NEK1: variants seen among roughly 807,000 people sequenced by gnomAD.
The protein encoded by NEK1 is serine/threonine-protein kinase Nek1.
In NEK1, 137 loss-of-function variants were observed where a neutral mutation model predicts 182.1. The observed-to-expected ratio is 0.75, with a 90% CI of 0.65 to 0.87. NEK1 has a LOEUF of 0.87. Among genes scored for constraint, NEK1 ranks in the 40% least tolerant of loss-of-function variants. The pLI is 0.00. For missense variants in NEK1, 1,391 were observed against 1,494.4 expected, an observed-to-expected ratio of 0.93 and a Z score of 1.14; for synonymous variants, 513 against 492.2, an observed-to-expected ratio of 1.04 and a Z score of -0.56.
intron 23 of NEK1, among the ~76,000 whole-genome samples, chr4:169,481,389 C>A (rs1747972716): frequency 1.3e-5 from 2 of 152,156 alleles, no homozygotes; most frequent in Admixed American, 6.5e-5. Flanking sequence ...ATTAGAGGAA[C>A]CATTATCTAT....
At chr4:169,417,196 A>G (rs1407027431) in intron 31 of NEK1, among the ~76,000 whole-genome samples, 1 of 152,214 alleles carries the variant, frequency 6.6e-6, no homozygotes, top group Non-Finnish European at 1.5e-5. Flanking sequence ...GGTAACAGCA[A>G]GTGCAAACTC....
chr4:169,527,930 C>T (rs555424472), intron 19 of NEK1, among the ~76,000 whole-genome samples: 1 of 151,870 alleles, frequency 6.6e-6, no homozygotes, highest in African/African-American at 2.4e-5. Context: ...TATAAATTCA[C>T]TATAAAAAAC....
intron 29 of NEK1, among the ~76,000 whole-genome samples, chr4:169,429,959 A>G (rs1413580825): frequency 2.0e-5 from 3 of 152,060 alleles, no homozygotes; most frequent in African/African-American, 7.2e-5. Flanking sequence ...TTGTTGAATG[A>G]TTTCAGAAAT....
chr4:169,595,272 T>G (rs1355758477), intron 5 of NEK1, among the ~76,000 whole-genome samples: 1 of 152,168 alleles, frequency 6.6e-6, no homozygotes, highest in Non-Finnish European at 1.5e-5. Context: ...TAAAATTTAA[T>G]TGTGGTTGTT....
chr4:169,477,714 T>C (rs1464449411), intron 24 of NEK1, among the ~76,000 whole-genome samples: 2 of 151,964 alleles, frequency 1.3e-5, no homozygotes, highest in African/African-American at 4.8e-5. Flanking sequence ...AATTCTCAAT[T>C]ATTTGTCATA....
chr4:169,545,549 C>T (rs1483092925), intron 18 of NEK1, among the ~76,000 whole-genome samples: 1 of 149,140 alleles, frequency 6.7e-6, no homozygotes, highest in Non-Finnish European at 1.5e-5. Flanking sequence ...GATTTATAGT[C>T]CTTTGGGTAT....
intron 27 of NEK1, among the ~76,000 whole-genome samples, chr4:169,459,852 A>C (rs1375026697): frequency 6.6e-6 from 1 of 152,182 alleles, no homozygotes; most frequent in Non-Finnish European, 1.5e-5. Flanking sequence ...ATAGTAAAAT[A>C]ATCAGTGGTT....
chr4:169,416,386 A>G (rs1029901507), intron 31 of NEK1, among the ~76,000 whole-genome samples: 4 of 152,214 alleles, frequency 2.6e-5, no homozygotes, highest in African/African-American at 9.6e-5. Flanking sequence ...GTTCCTTCTC[A>G]AACCGTGTGG....
intron 12 of NEK1, among the ~76,000 whole-genome samples, chr4:169,567,589 G>A (rs1763923884): frequency 2.0e-5 from 3 of 152,166 alleles, no homozygotes; most frequent in South Asian, 2.1e-4. Flanking sequence ...TACTAGAGAC[G>A]GGGTTTTACC....
At chr4:169,462,518 T>C (rs983881891) in intron 27 of NEK1, among the ~76,000 whole-genome samples, 2 of 152,112 alleles carry the variant, frequency 1.3e-5, no homozygotes, top group Admixed American at 6.6e-5. Context: ...AATTCCATTA[T>C]TGAACATATC....
At chr4:169,533,478 G>A (rs963582576) in intron 19 of NEK1, among the ~76,000 whole-genome samples, 1 of 152,144 alleles carries the variant, frequency 6.6e-6, no homozygotes, top group Non-Finnish European at 1.5e-5. Context: ...CTTTAAAGTG[G>A]AAGAAACCAA....
chr4:169,531,280 T>C lies in NEK1; in HGVS notation c.1665+6529A>G, dbSNP rs117472013. ...GGCAAGATGGATAGCAGTGACTTCT[T>C]TGATATGATGATAAACTATTAACAA... On this transcript the variant is annotated intron_variant, in intron 19 of 35. Transcript: ENST00000507142. Among the ~76,000 whole-genome samples, 19 of 152,070 alleles carry C rather than the reference T, an allele frequency of 1.2e-4. No homozygotes were observed. In the East Asian group the frequency reaches 3.5e-3, roughly 28 times the overall value.
intron 23 of NEK1, among the ~76,000 whole-genome samples, chr4:169,493,054 C>T (rs956001094): frequency 1.3e-5 from 2 of 152,134 alleles, no homozygotes; most frequent in African/African-American, 4.8e-5. Flanking sequence ...TGAAAGTGAA[C>T]AGAGCCTAAA....
At chr4:169,523,150 A>G (rs1031306630) in intron 19 of NEK1, among the ~76,000 whole-genome samples, 2 of 152,186 alleles carry the variant, frequency 1.3e-5, no homozygotes, top group Non-Finnish European at 2.9e-5. Context: ...TTGATAGCTA[A>G]GGTTTTTACA....
Position 169,555,873 on chromosome 4 carries a change from G to T in NEK1, c.1431-22C>A. The T allele has an allele frequency of 1.9e-6, 3 of 1,613,728 alleles. No homozygotes were observed. In the South Asian group the frequency reaches 3.3e-5, roughly 18 times the overall value. ...TCCTCTGTAGATAAATATGCACAGT[G>T]ACTTTCATTACTATCTCAGAAGCAA... is the stretch of plus-strand genomic sequence containing the variant. On this transcript the variant is annotated intron_variant, in intron 17 of 35. Transcript: ENST00000507142.
At chr4:169,427,275 C>T (rs1249051517) in intron 29 of NEK1, among the ~76,000 whole-genome samples, 6 of 151,486 alleles carry the variant, frequency 4.0e-5, no homozygotes, top group Middle Eastern at 6.4e-3. Flanking sequence ...TACAGGAGCC[C>T]GCCACCATGC....
intron 27 of NEK1, among the ~76,000 whole-genome samples, chr4:169,454,053 A>G (rs1264660001): frequency 6.6e-6 from 1 of 152,218 alleles, no homozygotes; most frequent in Non-Finnish European, 1.5e-5. Context: ...GATCTTTAAC[A>G]AACCTGACAA....
intron 32 of NEK1, among the ~76,000 whole-genome samples, chr4:169,404,498 G>A (rs989561278): frequency 1.3e-5 from 2 of 152,140 alleles, no homozygotes; most frequent in Non-Finnish European, 2.9e-5. Flanking sequence ...CATTATGAGA[G>A]TGATATAATA....
At chr4:169,406,326 T>G (rs986602777) in intron 32 of NEK1, among the ~76,000 whole-genome samples, 2 of 151,848 alleles carry the variant, frequency 1.3e-5, no homozygotes, top group African/African-American at 4.8e-5. Context: ...AAAAAAGAGC[T>G]AGGTAAGTTA....
Sources: allele counts gnomAD v4.1 joint callset (sites outside exome capture counted in the v4.1 genomes callset), GRCh38; gene constraint gnomAD v4.1.1; transcripts MANE v1.5; gene names NCBI Gene and HGNC (gene_info 2026-07-23, HGNC 2026-07-21).